Variants in EPHA3 observed in about 807,000 individuals in gnomAD.
EPHA3 encodes ephrin type-A receptor 3.
EPHA3 carries 42 observed loss-of-function variants against 107.1 expected under a neutral mutation model. That is an observed-to-expected ratio of 0.39 (90% confidence interval 0.31 to 0.51). EPHA3 has a LOEUF of 0.51. Ranked by LOEUF, EPHA3 falls within the 20% of genes least tolerant of loss-of-function variation. The probability of loss-of-function intolerance (pLI) is 0.78; values close to 1 mark genes in which losing one functional copy is unlikely to be tolerated. For synonymous variants in EPHA3, 461 were observed against 424.8 expected (o/e 1.09, Z -1.05); for missense variants, 1,183 against 1,211.2 (o/e 0.98, Z 0.35).
intron 1 of EPHA3, among the ~76,000 whole-genome samples, chr3:89,121,273 A>G (rs1422915296): frequency 2.6e-5 from 4 of 152,076 alleles, no homozygotes; most frequent in Non-Finnish European, 4.4e-5. Flanking sequence ...ATAAATTATT[A>G]CATCATAATT....
intron 1 of EPHA3, among the ~76,000 whole-genome samples, chr3:89,124,778 C>T (rs1354835157): frequency 6.6e-6 from 1 of 151,946 alleles, no homozygotes; most frequent in Non-Finnish European, 1.5e-5. Context: ...TAGAATCAGT[C>T]AGAAGTAATG....
intron 11 of EPHA3, among the ~76,000 whole-genome samples, chr3:89,423,890 G>T (rs530329543): frequency 2.8e-4 from 43 of 151,396 alleles, no homozygotes; most frequent in African/African-American, 1.0e-3. Flanking sequence ...AGCACGATTT[G>T]TGTGTGCCCA....
intron 1 of EPHA3, among the ~76,000 whole-genome samples, chr3:89,122,464 A>G (rs1707413034): frequency 6.6e-6 from 1 of 152,244 alleles, no homozygotes. Flanking sequence ...TTTATAACTC[A>G]GTTTCATAAA....
At position 89,345,884 on chromosome 3, in the gene EPHA3, G is replaced by A. The variant is rs370630907; in HGVS notation, c.1306+3794G>A. On this transcript the variant is annotated intron_variant, in intron 5 of 16. Transcript: ENST00000336596. ...ATGCGGTGTTTGGTTTTTTGTTCTT[G>A]CGATAGTTTACTGAGAATGATGATT... Among the ~76,000 whole-genome samples the A allele has an allele frequency of 2.3e-4, 32 of 141,216 alleles. 1 individual carries two copies. The East Asian group carries it at 2.9e-3, about 13-fold the overall frequency. 92.6% of individuals were successfully genotyped at this position (141,216 alleles called of 152,430 possible).
intron 3 of EPHA3, among the ~76,000 whole-genome samples, chr3:89,332,697 G>T (rs763605389): frequency 5.3e-5 from 8 of 152,146 alleles, no homozygotes; most frequent in Non-Finnish European, 8.8e-5. Context: ...ACCCTGTCAG[G>T]CCTGGAATTG....
At chr3:89,215,959 G>A (rs1181282595) in intron 3 of EPHA3, among the ~76,000 whole-genome samples, 1 of 151,890 alleles carries the variant, frequency 6.6e-6, no homozygotes, top group Non-Finnish European at 1.5e-5. Flanking sequence ...TCAAATGGCT[G>A]TGGGGTATCT....
chr3:89,307,930 A>G (rs190139814), intron 3 of EPHA3, among the ~76,000 whole-genome samples: 4 of 152,288 alleles, frequency 2.6e-5, no homozygotes, highest in Admixed American at 6.5e-5. Context: ...GTTTAACCAT[A>G]TAAGTGGAAT....
intron 3 of EPHA3, among the ~76,000 whole-genome samples, chr3:89,254,281 C>T (rs1705227593): frequency 6.6e-6 from 1 of 152,078 alleles, no homozygotes. Context: ...TGCCTGAAAT[C>T]ACTTTACTCT....
chr3:89,376,821 G>T (rs1165924320), intron 5 of EPHA3, among the ~76,000 whole-genome samples: 2 of 152,058 alleles, frequency 1.3e-5, no homozygotes, highest in Non-Finnish European at 2.9e-5. Context: ...TTAGCAATTT[G>T]TAGTTCATAA....
At chr3:89,155,224 T>A (rs935006895) in intron 2 of EPHA3, among the ~76,000 whole-genome samples, 9 of 151,940 alleles carry the variant, frequency 5.9e-5, no homozygotes, top group African/African-American at 1.9e-4. Context: ...TGTACATTTT[T>A]TATCTGTAAT....
At chr3:89,204,697 T>C (rs1706059265) in intron 2 of EPHA3, among the ~76,000 whole-genome samples, 2 of 152,022 alleles carry the variant, frequency 1.3e-5, no homozygotes, top group Non-Finnish European at 2.9e-5. Flanking sequence ...AATATAATGA[T>C]TTTTGTAGAT....
chr3:89,248,957 C>A (rs1357986695), intron 3 of EPHA3, among the ~76,000 whole-genome samples: 1 of 152,116 alleles, frequency 6.6e-6, no homozygotes, highest in Non-Finnish European at 1.5e-5. Context: ...CTTTTTAATC[C>A]TATGTGTCAG....
intron 15 of EPHA3, among the ~76,000 whole-genome samples, chr3:89,472,191 G>A (rs1377476489): frequency 6.6e-6 from 1 of 152,170 alleles, no homozygotes; most frequent in African/African-American, 2.4e-5. Flanking sequence ...AATAAAATAT[G>A]TATGGATATA....
At chr3:89,313,252 T>A (rs772638367) in intron 3 of EPHA3, among the ~76,000 whole-genome samples, 1 of 151,996 alleles carries the variant, frequency 6.6e-6, no homozygotes, top group Non-Finnish European at 1.5e-5. Flanking sequence ...TTCTTACAGA[T>A]AGCATATAAT....
intron 3 of EPHA3, among the ~76,000 whole-genome samples, chr3:89,310,733 AAAGTGAATTCCCTG>A (rs1469431320): frequency 2.6e-5 from 4 of 152,012 alleles, no homozygotes; most frequent in Non-Finnish European, 5.9e-5. Context: ...GTCAATAAAC[AAAGTGAATTCCCTG>A]ATAATTCATC....
At chr3:89,359,742 T>C (rs547099131) in intron 5 of EPHA3, among the ~76,000 whole-genome samples, 42 of 144,012 alleles carry the variant, frequency 2.9e-4, no homozygotes, top group African/African-American at 1.0e-3. Flanking sequence ...TATATACACA[T>C]ATATACACAT....
chr3:89,416,919 T>A (rs1709260103), intron 10 of EPHA3, among the ~76,000 whole-genome samples: 1 of 151,508 alleles, frequency 6.6e-6, no homozygotes, highest in South Asian at 2.1e-4. Flanking sequence ...GACATGAGCC[T>A]TGTTATCGCC....
At chr3:89,383,538 A>G (rs1477104518) in intron 5 of EPHA3, among the ~76,000 whole-genome samples, 2 of 151,894 alleles carry the variant, frequency 1.3e-5, no homozygotes, top group Non-Finnish European at 2.9e-5. Flanking sequence ...CTAGCCCTGA[A>G]TGACCCTCAC....
At chr3:89,148,935 A>G (rs1400240388) in intron 2 of EPHA3, among the ~76,000 whole-genome samples, 1 of 152,066 alleles carries the variant, frequency 6.6e-6, no homozygotes, top group African/African-American at 2.4e-5. Context: ...AGTCATATAT[A>G]TAATAAACTA....
Sources: allele counts gnomAD v4.1 joint callset (sites outside exome capture counted in the v4.1 genomes callset), GRCh38; gene constraint gnomAD v4.1.1; transcripts MANE v1.5; gene names NCBI Gene and HGNC (gene_info 2026-07-23, HGNC 2026-07-21).